Variants in ETS2 observed in about 807,000 individuals in gnomAD.
ETS2 encodes ETS proto-oncogene 2, transcription factor, also known as protein C-ets-2.
A neutral mutation model predicts 54.9 loss-of-function variants in ETS2; 19 were observed. That is an observed-to-expected ratio of 0.35 (90% CI 0.24 to 0.51). The LOEUF (loss-of-function observed/expected upper bound fraction) is 0.51, where lower values mean the gene tolerates loss of function less well. Ranked by LOEUF, ETS2 falls within the 20% of genes least tolerant of loss-of-function variation. The pLI is 0.97. For missense variants in ETS2, 417 were observed against 593.0 expected (o/e 0.70, Z 3.08); for synonymous variants, 219 against 229.3 (o/e 0.95, Z 0.41).
chr21:38,823,541 G>A lies in ETS2; in HGVS notation c.*652G>A, dbSNP rs1432259034. ...ATCTGCCAAGGGCCGACTAAGAGAAGTTGTAAAGTATGTATTATTTACATT... is the reference window on the plus strand; with the variant it reads ...ATCTGCCAAGGGCCGACTAAGAGAAATTGTAAAGTATGTATTATTTACATT... On this transcript the variant is annotated 3_prime_UTR_variant, in exon 10 of 10. Transcript: ENST00000360938. The A allele has an allele frequency of 1.3e-5, 2 of 152,440 alleles. No individual in the cohort carries two copies. Among genetic ancestry groups the A allele is most frequent in the South Asian group, 2.1e-4 (1 of 4,836 alleles). The allele number at this position is 152,440 out of a possible 1,614,324, so 9.4% of individuals were successfully genotyped here.
At chr21:38,805,874 T>G, upstream of ETS2, 1 of 1,174,926 alleles carries the variant, frequency 8.5e-7, no homozygotes, top group South Asian at 1.5e-5. The surrounding 1 kb of genome is among the most constrained non-coding windows in gnomAD (Gnocchi z 5.2). Flanking sequence ...TCCTTCCTCC[T>G]CCCTCCTCCC....
chr21:38,816,893 T>A (rs1207055375), intron 5 of ETS2, 115 bp from the exon 6 acceptor site: 1 of 642,804 alleles, frequency 1.6e-6, no homozygotes, highest in African/African-American at 1.8e-5. Context: ...TGTGAAGCAC[T>A]CCGTGCATCT....
At position 38,823,595 on chromosome 21, in the gene ETS2, G is replaced by A. The variant is rs1056809843; in HGVS notation, c.*706G>A. 3.3e-5 allele frequency: 5 copies of A among 150,880 alleles called. No homozygotes were observed. Among genetic ancestry groups the A allele is most frequent in the African/African-American group, 9.8e-5 (4 of 40,878 alleles). 9.3% of individuals were successfully genotyped at this position (150,880 alleles called of 1,614,324 possible). A position where few individuals can be genotyped will look rare whatever the true frequency, so the allele number is the denominator to read the frequency against. On this transcript the variant is annotated 3_prime_UTR_variant, in exon 10 of 10. Transcript: ENST00000360938. ...TAGACTTACAGGGATAAGGCCTGTG[G>A]GGGGTAATCCCTGCTTTTTGTGTTT...
chr21:38,815,328 T>C (rs1434270946), intron 5 of ETS2, among the ~76,000 whole-genome samples: 1 of 152,128 alleles, frequency 6.6e-6, no homozygotes, highest in Admixed American at 6.6e-5. Context: ...TCCCACGTCT[T>C]CTGAGCTCAC....
chr21:38,819,266 T>C (rs1199338291), intron 7 of ETS2, among the ~76,000 whole-genome samples: 2 of 152,252 alleles, frequency 1.3e-5, no homozygotes, highest in Non-Finnish European at 2.9e-5. Flanking sequence ...TTTTCATCGC[T>C]GTATAGTATT....
In ETS2 at chr21:38,814,284, T is replaced by G; in HGVS notation, c.196T>G (p.Cys66Gly). ...GGGTTTCCTTCCAGACTCCGCCAAC[T>G]GTGAATTGCCTTTGTTAACCCCGTG... ...LDSISHDSAN[C>G]ELPLLTPCSK... is the part of the protein sequence containing the mutation. Residue 66 changes from cysteine (C) to glycine (G), a missense_variant, in exon 4 of 10, where the codon TGT becomes GGT. Physicochemically the swap from Cys to Gly is radical, Grantham distance 159 (BLOSUM62 -3). Coordinates refer to ENST00000360938, the MANE Select transcript of ETS2 (RefSeq NM_005239.6). This position sits in a 1 kb window ranked among gnomAD's most constrained non-coding sequence, Gnocchi z 4.2. The G allele has an allele frequency of 6.2e-7, 1 of 1,614,044 alleles. No homozygotes were observed. Among genetic ancestry groups the G allele is most frequent in the Non-Finnish European group, 8.5e-7 (1 of 1,179,984 alleles).
chr21:38,819,120 A>G (rs1158559173), intron 7 of ETS2, among the ~76,000 whole-genome samples: 1 of 152,136 alleles, frequency 6.6e-6, no homozygotes, highest in Non-Finnish European at 1.5e-5. Flanking sequence ...TCTGACTTTT[A>G]TCATTACGGA....
Position 38,813,013 on chromosome 21 carries a change from C to T in ETS2, c.83C>T (p.Ala28Val), listed in dbSNP as rs1288008218. 6.2e-7 allele frequency: 1 copy of T among 1,612,858 alleles called. No homozygotes were observed. Among genetic ancestry groups the T allele is most frequent in the East Asian group, 2.2e-5 (1 of 44,884 alleles). Residue 28 changes from alanine (A) to valine (V), a missense_variant, in exon 3 of 10, where the codon GCC (alanine) becomes GTC (valine). Physicochemically the swap from Ala to Val is moderately conservative, Grantham distance 64 (BLOSUM62 0). Transcript: ENST00000360938. ...CATCTGTTTTTGCAGCGCCAGCCAG[C>T]CTTTGACACCTTTGATGGGTCCCTG... is the stretch of plus-strand genomic sequence containing the variant. ...SYRGTLKRQP[A>V]FDTFDGSLFA...
At chr21:38,820,907 TTA>T (rs1414598081) in intron 8 of ETS2, among the ~76,000 whole-genome samples, 1 of 152,230 alleles carries the variant, frequency 6.6e-6, no homozygotes. Context: ...GAGCCGCATC[TTA>T]TCCCTCCTCT....
rs143407258 is a variant in ETS2 at position 38,813,010 on chromosome 21, C to A, written c.80C>A (p.Pro27Gln). The A allele has an allele frequency of 1.9e-6, 3 of 1,612,552 alleles. No homozygotes were observed. The highest frequency in any genetic ancestry group is 2.5e-6 in the Non-Finnish European group (3 of 1,178,640). Residue 27 changes from proline (P) to glutamine (Q), a missense_variant, in exon 3 of 10, where the codon CCA becomes CAA. By Grantham distance (76) the Pro-to-Gln change is moderately conservative (BLOSUM62 -1). Transcript: ENST00000360938. Reference sequence around the variant, plus strand: ...TTCCATCTGTTTTTGCAGCGCCAGCCAGCCTTTGACACCTTTGATGGGTCC... The same window carrying A: ...TTCCATCTGTTTTTGCAGCGCCAGCAAGCCTTTGACACCTTTGATGGGTCC... ...NSYRGTLKRQPAFDTFDGSLF... is the reference protein window; with the variant it reads ...NSYRGTLKRQQAFDTFDGSLF...
intron 2 of ETS2, among the ~76,000 whole-genome samples, chr21:38,811,062 CCTT>C (rs2060912078): frequency 6.6e-6 from 1 of 152,026 alleles, no homozygotes; most frequent in Non-Finnish European, 1.5e-5. Context: ...TTAGAAAAAT[CCTT>C]CTATTAATTC....
chr21:38,816,831 C>A (rs2060937243), intron 5 of ETS2, among the ~76,000 whole-genome samples, 177 bp from the exon 6 acceptor site: 1 of 152,200 alleles, frequency 6.6e-6, no homozygotes, highest in Admixed American at 6.5e-5. Context: ...GGGTTGCTTT[C>A]TCTCGTTTTT....
rs761906739 is a variant in ETS2 at position 38,814,994 on chromosome 21, C to T, written c.505+13C>T. The stretch of plus-strand genomic sequence containing the variant: ...CAAATGATCAAAGGTACCAGCTGAA[C>T]GTCTTACTTCTCCTTGTCCAGGATG... On this transcript the variant is annotated intron_variant, in intron 5 of 9. Coordinates refer to ENST00000360938, the MANE Select transcript of ETS2 (RefSeq NM_005239.6). This position sits in a 1 kb window ranked among gnomAD's most constrained non-coding sequence, Gnocchi z 4.2. 1.6e-5 allele frequency: 25 copies of T among 1,611,834 alleles called. No individual in the cohort carries two copies. Among genetic ancestry groups the T allele is most frequent in the East Asian group, 4.5e-5 (2 of 44,870 alleles).
intron 1 of ETS2, among the ~76,000 whole-genome samples, chr21:38,808,590 ATGTGTGTG>A (rs56269044): frequency 5.4e-5 from 8 of 148,234 alleles, no homozygotes; most frequent in African/African-American, 2.0e-4. Context: ...GTGTGTGTGT[ATGTGTGTG>A]TGTGTGTGTG....
At chr21:38,809,108 G>A (rs754873561) in intron 1 of ETS2, among the ~76,000 whole-genome samples, 4 of 152,100 alleles carry the variant, frequency 2.6e-5, no homozygotes, top group East Asian at 1.9e-4. Flanking sequence ...CAATAAAGCC[G>A]GTGAAATTGA....
Position 38,814,391 on chromosome 21 carries a change from G to A in ETS2, c.303G>A (p.Lys101=), listed in dbSNP as rs1341661839. ...KKEQRRLGIP[K]NPWLWSEQQV... ...AACAGCGGCGCCTGGGCATTCCAAA[G>A]AGTAAGTACTGCTTTCCTGAGCCTG... The change falls in exon 4 of 10, where the codon AAG becomes AAA. Residue 101 remains lysine (K), a splice_region_variant and synonymous_variant. Transcript: ENST00000360938. This position sits in a 1 kb window ranked among gnomAD's most constrained non-coding sequence, Gnocchi z 4.2. The A allele has an allele frequency of 1.9e-6, 3 of 1,614,104 alleles. No individual in the cohort carries two copies. The East Asian group carries it at 6.7e-5, about 36-fold the overall frequency.
Position 38,818,489 on chromosome 21 carries a change from G to A in ETS2, c.654G>A (p.Leu218=), listed in dbSNP as rs1211621286. ...AGAATTACCCCAAAGGCGGCCTCCT[G>A]GACAGCATGTGTCCGGCCTCCACAC... The part of the protein sequence containing the change: ...QTQNYPKGGL[L]DSMCPASTPS... Residue 218 remains leucine (L), a synonymous_variant, in exon 7 of 10, where the codon CTG becomes CTA. Transcript: ENST00000360938. 2.5e-6 allele frequency: 4 copies of A among 1,614,144 alleles called. No individual in the cohort carries two copies. In the East Asian group the frequency reaches 8.9e-5, roughly 36 times the overall value.
At chr21:38,805,243 A>T (rs1189192709), upstream of ETS2, 1 of 919,768 alleles carries the variant, frequency 1.1e-6, no homozygotes, top group Admixed American at 3.6e-5. This position sits in a 1 kb window ranked among gnomAD's most constrained non-coding sequence, Gnocchi z 5.2. Context: ...CAGCACCACG[A>T]CTCGGGGACA....
intron 5 of ETS2, among the ~76,000 whole-genome samples, chr21:38,816,627 C>T (rs543698487): frequency 4.5e-4 from 68 of 152,274 alleles, no homozygotes; most frequent in African/African-American, 1.1e-3. Flanking sequence ...GTAAGCTTCA[C>T]GGGGGCAGAC....
Sources: allele counts gnomAD v4.1 joint callset (sites outside exome capture counted in the v4.1 genomes callset), GRCh38; gene constraint gnomAD v4.1.1; non-coding constraint Gnocchi (gnomAD v3.1); transcripts MANE v1.5; gene names NCBI Gene and HGNC (gene_info 2026-07-23, HGNC 2026-07-21).